The following GPM6A variants were observed in gnomAD, a reference collection of about 807,000 sequenced individuals.
The protein encoded by GPM6A is glycoprotein M6A, also known as neuronal membrane glycoprotein M6-a.
GPM6A carries 7 observed loss-of-function variants against 32.1 expected under a neutral mutation model. The ratio of observed to expected loss-of-function variants is 0.22; its 90% CI spans 0.12 to 0.41. The LOEUF (loss-of-function observed/expected upper bound fraction) is 0.41. Among genes scored for constraint, GPM6A ranks in the 10% least tolerant of loss-of-function variants. GPM6A has a pLI of 1.00. For synonymous variants in GPM6A, 130 were observed against 123.4 expected, an observed-to-expected ratio of 1.05 and a Z score of -0.35; for missense variants, 235 against 347.2, an observed-to-expected ratio of 0.68 and a Z score of 2.57.
intron 1 of GPM6A, among the ~76,000 whole-genome samples, chr4:175,890,194 C>A (rs2111474001): frequency 6.6e-6 from 1 of 152,278 alleles, no homozygotes; most frequent in South Asian, 2.1e-4. Flanking sequence ...TGCAACAATG[C>A]AGGACAAAGT....
intron 2 of GPM6A, among the ~76,000 whole-genome samples, chr4:175,674,998 G>A (rs759181635): frequency 1.3e-5 from 2 of 151,492 alleles, no homozygotes; most frequent in Non-Finnish European, 2.9e-5. Flanking sequence ...AATAACAGAT[G>A]GATATATGGA....
intron 3 of GPM6A, among the ~76,000 whole-genome samples, chr4:175,660,509 T>A (rs1343899566): frequency 2.0e-5 from 3 of 152,120 alleles, no homozygotes; most frequent in African/African-American, 7.2e-5. Context: ...ACACTAGACA[T>A]ACTCTTGGCT....
chr4:175,642,732 C>A (rs991078125), intron 4 of GPM6A, among the ~76,000 whole-genome samples: 1 of 152,022 alleles, frequency 6.6e-6, no homozygotes, highest in Admixed American at 6.6e-5. Flanking sequence ...CACTCCTCAG[C>A]CTTTTTTCTC....
chr4:175,829,648 AAT>A (rs3034745), intron 1 of GPM6A, among the ~76,000 whole-genome samples: 138,490 of 144,688 alleles, frequency 0.96, 66,505 homozygotes, highest in East Asian at 1. Context: ...TCATTTATGT[AAT>A]ATATATATAT....
chr4:175,844,375 T>C (rs187738863), intron 1 of GPM6A, among the ~76,000 whole-genome samples: 1 of 152,316 alleles, frequency 6.6e-6, no homozygotes, highest in Non-Finnish European at 1.5e-5. Flanking sequence ...GACTGAATTA[T>C]CTCAAACCTG....
intron 1 of GPM6A, among the ~76,000 whole-genome samples, chr4:175,715,761 C>T (rs963887353): frequency 4.0e-5 from 6 of 150,874 alleles, no homozygotes; most frequent in Non-Finnish European, 8.8e-5. Context: ...ATGAAAGCTA[C>T]GAGGTCAAGA....
Position 175,640,122 on chromosome 4 carries a change from G to T in GPM6A, c.684+7C>A. 2 of 1,607,576 alleles carry T rather than the reference G, an allele frequency of 1.2e-6. No homozygotes were observed. Among genetic ancestry groups the T allele is most frequent in the South Asian group, 1.1e-5 (1 of 90,940 alleles). ...GAAAACCAAGCACCAGCGCTTTGAG[G>T]TCTTACCATAGCAATGACTGCTGCC... On this transcript the variant is annotated splice_region_variant and intron_variant, in intron 6 of 6. Coordinates refer to ENST00000393658, the MANE Select transcript of GPM6A (RefSeq NM_201591.3).
rs1206541813 is a variant in GPM6A, at chr4:175,746,850, C to T, written c.38-45083G>A. On this transcript the variant is annotated intron_variant, in intron 1 of 6. Coordinates refer to ENST00000393658, the MANE Select transcript of GPM6A (RefSeq NM_201591.3). ...TCAATATAATAACTGAACTGAAAATCGGGAAGTGAACCTTGTTGCTTTGTG... is the reference window on the plus strand; with the variant it reads ...TCAATATAATAACTGAACTGAAAATTGGGAAGTGAACCTTGTTGCTTTGTG... Among the ~76,000 whole-genome samples the T allele has an allele frequency of 3.9e-5, 6 of 152,078 alleles. No homozygotes were observed. In the South Asian group the frequency reaches 6.2e-4, roughly 16 times the overall value.
intron 1 of GPM6A, among the ~76,000 whole-genome samples, chr4:175,742,012 A>C (rs1028938732): frequency 6.6e-6 from 1 of 152,098 alleles, no homozygotes; most frequent in African/African-American, 2.4e-5. Flanking sequence ...ACTAAAATTA[A>C]ATGTGTTTAT....
chr4:175,846,303 C>T (rs185506302), intron 1 of GPM6A, among the ~76,000 whole-genome samples: 31 of 152,208 alleles, frequency 2.0e-4, no homozygotes, highest in Admixed American at 1.8e-3. Context: ...ATTTTGTACA[C>T]GTTTTTGCTG....
intron 1 of GPM6A, among the ~76,000 whole-genome samples, chr4:175,853,907 TC>T (rs1348497211): frequency 6.6e-6 from 1 of 152,168 alleles, no homozygotes; most frequent in Non-Finnish European, 1.5e-5. Context: ...TTATAATTGT[TC>T]CACATTAATT....
chr4:175,835,972 T>C (rs529660168), intron 1 of GPM6A, among the ~76,000 whole-genome samples: 1 of 152,020 alleles, frequency 6.6e-6, no homozygotes, highest in Non-Finnish European at 1.5e-5. Context: ...GAGATGCCCA[T>C]GGTTCCACTG....
At chr4:175,792,860 CAAAT>C (rs1177504335) in intron 1 of GPM6A, among the ~76,000 whole-genome samples, 1 of 151,998 alleles carries the variant, frequency 6.6e-6, no homozygotes, top group African/African-American at 2.4e-5. Context: ...AAACATAAAA[CAAAT>C]AATATAACAA....
At chr4:175,762,073 C>A (rs114554790) in intron 1 of GPM6A, among the ~76,000 whole-genome samples, 2,260 of 152,198 alleles carry the variant, frequency 0.015, 67 homozygotes, top group African/African-American at 0.051. Flanking sequence ...GGATTATAGG[C>A]GAGAGCCACT....
At chr4:175,967,271 G>C (rs1414699406) in intron 1 of GPM6A, among the ~76,000 whole-genome samples, 1 of 152,122 alleles carries the variant, frequency 6.6e-6, no homozygotes, top group African/African-American at 2.4e-5. Flanking sequence ...GCAAACTAGG[G>C]ATCGAGGTGA....
intron 1 of GPM6A, among the ~76,000 whole-genome samples, chr4:175,782,143 G>A (rs982109509): frequency 3.9e-5 from 6 of 152,022 alleles, no homozygotes; most frequent in Admixed American, 3.9e-4. Context: ...TCAGTTTTCT[G>A]CTAAACTCTA....
At chr4:175,894,580 C>G (rs571106572) in intron 1 of GPM6A, among the ~76,000 whole-genome samples, 1 of 152,032 alleles carries the variant, frequency 6.6e-6, no homozygotes, top group Non-Finnish European at 1.5e-5. Flanking sequence ...AATAATGAGA[C>G]TACATTTTCT....
At chr4:175,689,067 TAC>T (rs1013034507) in intron 2 of GPM6A, among the ~76,000 whole-genome samples, 2 of 152,180 alleles carry the variant, frequency 1.3e-5, no homozygotes, top group African/African-American at 4.8e-5. Context: ...GCACTGGGAT[TAC>T]AGTCATGAGC....
At chr4:175,714,432 G>A (rs2111099626) in intron 1 of GPM6A, among the ~76,000 whole-genome samples, 1 of 152,120 alleles carries the variant, frequency 6.6e-6, no homozygotes, top group East Asian at 1.9e-4. Flanking sequence ...TGCCCAGGCT[G>A]GAGTGCAGTG....
Sources: allele counts gnomAD v4.1 joint callset (sites outside exome capture counted in the v4.1 genomes callset), GRCh38; gene constraint gnomAD v4.1.1; transcripts MANE v1.5; gene names NCBI Gene and HGNC (gene_info 2026-07-23, HGNC 2026-07-21).